SLC44A2: variants seen among roughly 807,000 people sequenced by gnomAD.
SLC44A2 encodes choline transporter-like protein 2.
Under a neutral mutation model 90.8 loss-of-function variants are expected in SLC44A2, and 57 were observed. The ratio of observed to expected loss-of-function variants is 0.63; its 90% confidence interval spans 0.51 to 0.78. SLC44A2 has a LOEUF of 0.78. SLC44A2 is among the 30% of genes least tolerant of loss of function. The pLI is 0.00. For synonymous variants in SLC44A2, 355 were observed against 360.7 expected (o/e 0.98, Z 0.18); for missense variants, 794 against 919.7 (o/e 0.86, Z 1.77).
At chr19:10,641,829 G>C (rs1283331280) in intron 20 of SLC44A2, among the ~76,000 whole-genome samples, 2 of 151,056 alleles carry the variant, frequency 1.3e-5, no homozygotes, top group African/African-American at 4.9e-5. Context: ...CTGGGCTACA[G>C]AGTGAGACCG....
Position 10,631,109 on chromosome 19 carries a change from G to C in SLC44A2, c.298G>C (p.Val100Leu). The change falls in exon 5 of 22, where the codon GTT (valine) becomes CTT (leucine). Residue 100 changes from valine (V) to leucine (L), a missense_variant. Physicochemically the swap from Val to Leu is conservative, Grantham distance 32. This residue lies in a region of SLC44A2 where 738 missense variants were observed against 841.1 expected (regional missense o/e 0.88). Transcript: ENST00000335757. ...FNIVKCASPL[V>L]LLEFQCPTPQ... Reference sequence around the variant, plus strand: ...CATTGTGAAATGTGCCAGCCCCCTGGTTCTGCTGGAATTCCAATGTCCCAC... The same window carrying C: ...CATTGTGAAATGTGCCAGCCCCCTGCTTCTGCTGGAATTCCAATGTCCCAC... 1 of 1,613,970 alleles carries C rather than the reference G, an allele frequency of 6.2e-7. No individual in the cohort carries two copies. The highest frequency in any genetic ancestry group is 1.1e-5 in the South Asian group (1 of 91,074).
rs1036410332 is a variant in SLC44A2, at chr19:10,627,707, C to T, written c.87-15C>T. 1.1e-5 allele frequency: 17 copies of T among 1,612,446 alleles called. No individual in the cohort carries two copies. The highest frequency in any genetic ancestry group is 1.2e-5 in the Non-Finnish European group (14 of 1,179,840). On this transcript the variant is annotated splice_polypyrimidine_tract_variant and intron_variant, in intron 2 of 21. Coordinates refer to ENST00000335757, the MANE Select transcript of SLC44A2 (RefSeq NM_020428.4). ...GCACCAAGCCTCCTCCAAACACTGCCCCTCTGCTCCCCAGGGGCTGCACGG... is the reference window on the plus strand; with the variant it reads ...GCACCAAGCCTCCTCCAAACACTGCTCCTCTGCTCCCCAGGGGCTGCACGG...
chr19:10,630,647 C>G (rs1344794258), intron 4 of SLC44A2, among the ~76,000 whole-genome samples: 1 of 125,678 alleles, frequency 8.0e-6, no homozygotes, highest in Non-Finnish European at 1.6e-5. Context: ...GGCAACAGAG[C>G]AGGACTCCAT....
At chr19:10,605,733 C>T (rs1186014170) in intron 1 of SLC44A2, among the ~76,000 whole-genome samples, 4 of 151,388 alleles carry the variant, frequency 2.6e-5, no homozygotes, top group Non-Finnish European at 5.9e-5. Flanking sequence ...CAGGTTCACA[C>T]CTGTAATCCC....
chr19:10,641,634 C>G (rs1012406452), intron 20 of SLC44A2, among the ~76,000 whole-genome samples: 2 of 152,012 alleles, frequency 1.3e-5, no homozygotes, highest in African/African-American at 4.8e-5. Flanking sequence ...GGGCGAATCT[C>G]TTAAGCCCAG....
chr19:10,614,544 G>C (rs998766374), intron 1 of SLC44A2, among the ~76,000 whole-genome samples: 35 of 152,142 alleles, frequency 2.3e-4, no homozygotes, highest in Non-Finnish European at 3.8e-4. Context: ...GCATATAACT[G>C]CATATAAGTC....
chr19:10,617,260 T>C (rs1599233960), intron 1 of SLC44A2, among the ~76,000 whole-genome samples: 1 of 152,130 alleles, frequency 6.6e-6, no homozygotes, highest in African/African-American at 2.4e-5. Flanking sequence ...TGCAAAGATA[T>C]AGCGAGTTCC....
chr19:10,632,191 G>T (rs746406527), intron 10 of SLC44A2, 35 bp downstream of exon 10: 2 of 1,558,692 alleles, frequency 1.3e-6, no homozygotes, highest in Non-Finnish European at 1.8e-6. Flanking sequence ...TCTCTTTCCT[G>T]AATCCGCACA....
At chr19:10,608,508 G>A (rs1255350664) in intron 1 of SLC44A2, among the ~76,000 whole-genome samples, 2 of 151,992 alleles carry the variant, frequency 1.3e-5, no homozygotes, top group Non-Finnish European at 2.9e-5. Flanking sequence ...AAATATATGA[G>A]GCTGAAGGAG....
At chr19:10,623,202 T>C (rs779571606), upstream of SLC44A2, among the ~76,000 whole-genome samples, 1 of 152,104 alleles carries the variant, frequency 6.6e-6, no homozygotes. Flanking sequence ...AGGGCTTCTT[T>C]AGGAGTCTGG....
chr19:10,632,468 G>A (rs1030688339), intron 10 of SLC44A2, among the ~76,000 whole-genome samples: 22 of 150,576 alleles, frequency 1.5e-4, no homozygotes, highest in African/African-American at 5.4e-4. Context: ...CCTGGGAGGC[G>A]GAGGTTGTGG....
chr19:10,635,773 CTT>C (rs773477557), intron 14 of SLC44A2: 4,688 of 204,232 alleles, frequency 0.023, no homozygotes, highest in South Asian at 0.056. Flanking sequence ...TCCCTACTTC[CTT>C]TTTTTTTTTT....
chr19:10,637,338 C>T (rs1181301368), intron 16 of SLC44A2, among the ~76,000 whole-genome samples: 2 of 151,834 alleles, frequency 1.3e-5, no homozygotes, highest in Admixed American at 6.6e-5. Context: ...GGCAACAGAG[C>T]GAGACTCCAT....
At chr19:10,637,586 T>TC in intron 16 of SLC44A2, 58 bp from the exon 17 acceptor site, 2 of 1,432,642 alleles carry the variant, frequency 1.4e-6, no homozygotes, top group South Asian at 2.3e-5. Context: ...GAAGAGGGGA[T>TC]CCCTTCCAAG....
At chr19:10,626,506 C>T (rs1180835681) in intron 2 of SLC44A2, among the ~76,000 whole-genome samples, 3 of 151,290 alleles carry the variant, frequency 2.0e-5, no homozygotes, top group African/African-American at 4.9e-5. Flanking sequence ...CTTCGCCTCC[C>T]GGGTTCGAGC....
Position 10,643,450 on chromosome 19 carries a change from TCC to T in SLC44A2, c.*69_*70del. 6.5e-7 allele frequency: 1 copy of T among 1,544,528 alleles called. No homozygotes were observed. Among genetic ancestry groups the T allele is most frequent in the Non-Finnish European group, 8.8e-7 (1 of 1,141,272 alleles). On this transcript the variant is annotated 3_prime_UTR_variant, in exon 22 of 22. Transcript: ENST00000335757. ...CAGGGTGCTCAGTAGCTGGGTCTGT[TCC>T]CCCAGCCCCTTGGGCTCACCTGAAG...
chr19:10,636,187 A>C, intron 14 of SLC44A2, 136 bp from the exon 15 acceptor site: 2 of 1,052,576 alleles, frequency 1.9e-6, no homozygotes, highest in Non-Finnish European at 2.8e-6. Flanking sequence ...CTGAACTCTT[A>C]ATTCCTTCCC....
intron 4 of SLC44A2, among the ~76,000 whole-genome samples, chr19:10,629,552 AC>A (rs918383219): frequency 6.6e-6 from 1 of 150,986 alleles, no homozygotes; most frequent in African/African-American, 2.4e-5. Flanking sequence ...TGCTGGTATT[AC>A]GGGTGTGAGC....
chr19:10,634,300 A>G (rs1336678091), intron 10 of SLC44A2, among the ~76,000 whole-genome samples: 2 of 151,028 alleles, frequency 1.3e-5, no homozygotes, highest in Non-Finnish European at 3.0e-5. Flanking sequence ...CCCCATCTCT[A>G]TTAAAAATAC....
Sources: gnomAD v4.1 joint callset for allele counts (sites outside exome capture counted in the v4.1 genomes callset) on GRCh38, gnomAD v4.1.1 for gene constraint, gnomAD v4.1.1 regional missense constraint, MANE v1.5 for transcripts, NCBI Gene and HGNC (gene_info 2026-07-23, HGNC 2026-07-21) for gene names.